TTC39B: variants seen among roughly 807,000 people sequenced by gnomAD.
TTC39B encodes the protein tetratricopeptide repeat protein 39B.
Under a neutral mutation model 96.6 loss-of-function variants are expected in TTC39B, and 92 were observed. That is an observed-to-expected ratio of 0.95 (90% CI 0.80 to 1.13). TTC39B has a LOEUF of 1.13. TTC39B is among the 50% of genes most tolerant of loss of function. The pLI is 0.00. For synonymous variants in TTC39B, 367 were observed against 299.4 expected, an observed-to-expected ratio of 1.23 and a Z score of -2.33; for missense variants, 955 against 809.3, an observed-to-expected ratio of 1.18 and a Z score of -2.18.
chr9:15,230,223 T>C (rs905250740), intron 2 of TTC39B, among the ~76,000 whole-genome samples: 4 of 152,246 alleles, frequency 2.6e-5, no homozygotes, highest in African/African-American at 9.6e-5. Context: ...TTTTAAGTTT[T>C]TAAACAGCTT....
chr9:15,166,483 G>C (rs1356939657), exon 20 of TTC39B: 1 of 152,202 alleles, frequency 6.6e-6, no homozygotes, highest in African/African-American at 2.4e-5. Flanking sequence ...CAGTTATGAA[G>C]TTACAAAATG....
At chr9:15,204,818 G>A (rs914323067) in intron 6 of TTC39B, among the ~76,000 whole-genome samples, 1 of 152,126 alleles carries the variant, frequency 6.6e-6, no homozygotes, top group African/African-American at 2.4e-5. Context: ...CAAGAACAAG[G>A]TACTCACAAA....
chr9:15,251,065 T>G (rs377615331), intron 2 of TTC39B, among the ~76,000 whole-genome samples: 1 of 151,950 alleles, frequency 6.6e-6, no homozygotes, highest in East Asian at 2.0e-4. Flanking sequence ...GTGTGGTGGC[T>G]CACGCCTGTA....
At chr9:15,257,630 T>C (rs1822799215) in intron 2 of TTC39B, among the ~76,000 whole-genome samples, 1 of 151,998 alleles carries the variant, frequency 6.6e-6, no homozygotes, top group Non-Finnish European at 1.5e-5. Context: ...GTATTTTTTA[T>C]AGAGAGGGGG....
intron 1 of TTC39B, among the ~76,000 whole-genome samples, chr9:15,291,145 T>C (rs932740476): frequency 3.9e-5 from 6 of 152,202 alleles, no homozygotes; most frequent in African/African-American, 7.2e-5. Context: ...TGGAAACACA[T>C]TGTCCACATG....
chr9:15,212,218 T>G (rs12343442), intron 4 of TTC39B, among the ~76,000 whole-genome samples: 37,361 of 152,116 alleles, frequency 0.25, 4,954 homozygotes, highest in African/African-American at 0.34. Context: ...ATTCTTTGCC[T>G]CCATGGAAAT....
chr9:15,230,034 T>G (rs1357263275), intron 2 of TTC39B, among the ~76,000 whole-genome samples: 1 of 152,224 alleles, frequency 6.6e-6, no homozygotes, highest in Non-Finnish European at 1.5e-5. Context: ...CTTCTCTTAT[T>G]TCCTTCAATA....
chr9:15,234,144 T>A (rs1357319941), intron 2 of TTC39B, among the ~76,000 whole-genome samples: 3 of 118,988 alleles, frequency 2.5e-5, no homozygotes, highest in Non-Finnish European at 5.3e-5. Flanking sequence ...AAGTGAGGAG[T>A]CCCTCTGCCC....
At chr9:15,270,136 C>T (rs1823287895) in intron 1 of TTC39B, among the ~76,000 whole-genome samples, 1 of 151,658 alleles carries the variant, frequency 6.6e-6, no homozygotes, top group African/African-American at 2.4e-5. Flanking sequence ...CCCCACTGCA[C>T]TCCAGACTGG....
Position 15,200,156 on chromosome 9 carries a change from G to T in TTC39B, c.760-231C>A, listed in dbSNP as rs111306453. On this transcript the variant is annotated intron_variant, in intron 7 of 19. Coordinates refer to ENST00000512701, the Ensembl canonical transcript of TTC39B. ...AAAGAAAATACTTGTAAAATCCTTC[G>T]ATTATTTTATATTACTAAGGAGGTA... is the stretch of plus-strand genomic sequence containing the variant. Among the ~76,000 whole-genome samples, 1,075 of 152,132 alleles carry T rather than the reference G, an allele frequency of 7.1e-3. 24 individuals are homozygous for T. The highest frequency in any genetic ancestry group is 0.024 in the African/African-American group (1,004 of 41,500).
chr9:15,214,381 T>A, intron 3 of TTC39B, 132 bp from the exon 4 acceptor site: 1 of 654,792 alleles, frequency 1.5e-6, no homozygotes, highest in East Asian at 2.8e-5. Context: ...TGTCTGTGTG[T>A]GGATTCTGGA....
chr9:15,198,364 GGA>G (rs931042143), intron 8 of TTC39B, among the ~76,000 whole-genome samples: 4 of 151,568 alleles, frequency 2.6e-5, no homozygotes, highest in Non-Finnish European at 5.9e-5. Context: ...GGCTGAGTCA[GGA>G]GAGTTGCTTG....
intron 16 of TTC39B, among the ~76,000 whole-genome samples, chr9:15,184,436 A>AC (rs1737712411): frequency 1.3e-5 from 2 of 151,246 alleles, no homozygotes; most frequent in Non-Finnish European, 1.5e-5. Flanking sequence ...AAAAAAAAAA[A>AC]CTCAGGAAAC....
At chr9:15,199,973 A>T in intron 7 of TTC39B, 48 bp from the exon 8 acceptor site, 1 of 1,116,402 alleles carries the variant, frequency 9.0e-7, no homozygotes, top group Non-Finnish European at 1.3e-6. Context: ...AAAAAATTTT[A>T]AATTGTCCCC....
At chr9:15,238,043 A>G (rs1821868809) in intron 2 of TTC39B, among the ~76,000 whole-genome samples, 1 of 152,184 alleles carries the variant, frequency 6.6e-6, no homozygotes. Flanking sequence ...CACAGAAAAA[A>G]CAACTGATAA....
At chr9:15,166,982 TTATATATATATATATATA>T (rs1174714919) in exon 20 of TTC39B, 2 of 20,274 alleles carry the variant, frequency 9.9e-5, no homozygotes, top group African/African-American at 1.8e-4. Flanking sequence ...AACCTTTATT[TTATATATATATATATATA>T]TATATATATA....
At chr9:15,256,410 A>G (rs934936440) in intron 2 of TTC39B, among the ~76,000 whole-genome samples, 2 of 152,230 alleles carry the variant, frequency 1.3e-5, no homozygotes, top group East Asian at 1.9e-4. Context: ...GGACTAAGAC[A>G]GTATATTAAT....
exon 20 of TTC39B, chr9:15,166,979 A>ATTTTTTTTTT (rs1371714154): frequency 6.0e-5 from 2 of 33,392 alleles, no homozygotes; most frequent in Non-Finnish European, 1.1e-4. Flanking sequence ...ACAAACCTTT[A>ATTTTTTTTTT]TTTTATATAT....
intron 4 of TTC39B, 120 bp from the exon 5 acceptor site, chr9:15,211,517 G>A: frequency 2.2e-6 from 2 of 897,198 alleles, no homozygotes; most frequent in Non-Finnish European, 3.0e-6. Flanking sequence ...CATAATCACT[G>A]AAATTATATG....
Sources: gnomAD v4.1 joint callset for allele counts (sites outside exome capture counted in the v4.1 genomes callset) on GRCh38, gnomAD v4.1.1 for gene constraint, MANE v1.5 for transcripts, NCBI Gene and HGNC (gene_info 2026-07-23, HGNC 2026-07-21) for gene names.